Variants in ALPK2 observed in about 807,000 individuals in gnomAD.
The protein encoded by ALPK2 is alpha kinase 2, also known as alpha-protein kinase 2.
ALPK2 carries 127 observed loss-of-function variants against 163.1 expected under a neutral mutation model. The observed-to-expected ratio is 0.78, with a 90% CI of 0.67 to 0.90. The LOEUF is 0.90. ALPK2 is among the 40% of genes least tolerant of loss of function. The probability of loss-of-function intolerance (pLI) is 0.00; values close to 1 mark genes in which losing one functional copy is unlikely to be tolerated. For missense variants in ALPK2, 2,360 were observed against 2,589.6 expected (o/e 0.91, Z 1.92); for synonymous variants, 953 against 959.1 (o/e 0.99, Z 0.12).
chr18:58,508,574 C>T (rs1269089534), intron 10 of ALPK2, among the ~76,000 whole-genome samples: 1 of 152,216 alleles, frequency 6.6e-6, no homozygotes, highest in Non-Finnish European at 1.5e-5. Context: ...TGGCCTTCCT[C>T]ACTGTTACAC....
At chr18:58,610,771 C>T (rs1014185945) in intron 2 of ALPK2, among the ~76,000 whole-genome samples, 1 of 151,700 alleles carries the variant, frequency 6.6e-6, no homozygotes, top group Non-Finnish European at 1.5e-5. Context: ...GAACCACCCC[C>T]CTCCCCCCGT....
chr18:58,544,340 T>G (rs2051706600), intron 4 of ALPK2: 1 of 152,226 alleles, frequency 6.6e-6, no homozygotes, highest in Non-Finnish European at 1.5e-5. Flanking sequence ...TGCCATGGAT[T>G]TAATGGAAAG....
In ALPK2 at chr18:58,481,851, G is replaced by C. The variant is rs1336056355; in HGVS notation, c.6485C>G (p.Pro2162Arg). The change falls in exon 13 of 13, where the codon CCT (proline) becomes CGT (arginine). Residue 2162 changes from proline (P) to arginine (R), a missense_variant. Pro to Arg is a moderately radical substitution (Grantham distance 103, BLOSUM62 -2). Coordinates refer to ENST00000361673, the MANE Select transcript of ALPK2 (RefSeq NM_052947.4). The stretch of plus-strand genomic sequence containing the variant: ...GGTTTTCTTTTCGCCTGGGGTCTCA[G>C]GCCCTGCCTTCTTTATTGTCATAGA... Reference protein sequence around the residue: ...TNSMTIKKAGPETPGEKKT With the variant: ...TNSMTIKKAGRETPGEKKT The C allele has an allele frequency of 6.2e-7, 1 of 1,614,182 alleles. No homozygotes were observed. The highest frequency in any genetic ancestry group is 1.1e-5 in the South Asian group (1 of 91,078).
At chr18:58,510,538 G>T (rs1269184080) in intron 10 of ALPK2, among the ~76,000 whole-genome samples, 1 of 152,118 alleles carries the variant, frequency 6.6e-6, no homozygotes, top group Non-Finnish European at 1.5e-5. Flanking sequence ...TCTTCCATTT[G>T]TTTGTATCCT....
chr18:58,554,562 C>T (rs2144168642), intron 4 of ALPK2, among the ~76,000 whole-genome samples: 1 of 152,310 alleles, frequency 6.6e-6, no homozygotes, highest in South Asian at 2.1e-4. Flanking sequence ...TGGCAGCCTG[C>T]CAAGGGTCCC....
intron 12 of ALPK2, among the ~76,000 whole-genome samples, chr18:58,485,293 G>T (rs947157514): frequency 6.6e-6 from 1 of 152,214 alleles, no homozygotes; most frequent in Admixed American, 6.5e-5. Context: ...TCCTTCATTG[G>T]CTGGTAGAAA....
At chr18:58,599,265 T>A (rs2052056766) in intron 3 of ALPK2, among the ~76,000 whole-genome samples, 1 of 151,710 alleles carries the variant, frequency 6.6e-6, no homozygotes. Flanking sequence ...TAACCGGGAG[T>A]TCCTTGTCAG....
At chr18:58,564,349 C>T (rs2051840388) in intron 4 of ALPK2, among the ~76,000 whole-genome samples, 1 of 151,532 alleles carries the variant, frequency 6.6e-6, no homozygotes, top group Non-Finnish European at 1.5e-5. Flanking sequence ...CTCCAACTCC[C>T]GACCTCAGGT....
chr18:58,601,631 A>G (rs2052070280), intron 3 of ALPK2, among the ~76,000 whole-genome samples: 1 of 152,100 alleles, frequency 6.6e-6, no homozygotes, highest in African/African-American at 2.4e-5. Context: ...GGGGGATGAG[A>G]GCCCATGTGG....
At chr18:58,582,794 G>C (rs1026510725) in intron 3 of ALPK2, among the ~76,000 whole-genome samples, 4 of 151,824 alleles carry the variant, frequency 2.6e-5, no homozygotes, top group African/African-American at 9.7e-5. Flanking sequence ...ATTTTGAAGT[G>C]GGGGGTGGGG....
At chr18:58,487,888 T>C (rs9967112) in intron 12 of ALPK2, among the ~76,000 whole-genome samples, 26,113 of 152,064 alleles carry the variant, frequency 0.17, 2,868 homozygotes, top group African/African-American at 0.31. Context: ...AAAATATGAA[T>C]AGCATTCAAT....
intron 3 of ALPK2, among the ~76,000 whole-genome samples, chr18:58,591,785 G>C (rs777445169): frequency 6.6e-6 from 1 of 152,186 alleles, no homozygotes; most frequent in African/African-American, 2.4e-5. Context: ...GAGTAACTGC[G>C]TTGTTCACTG....
chr18:58,614,960 G>A (rs2052157571), intron 1 of ALPK2, among the ~76,000 whole-genome samples: 1 of 150,042 alleles, frequency 6.7e-6, no homozygotes, highest in South Asian at 2.1e-4. Flanking sequence ...CTTTCTGTCT[G>A]TATGTATTTG....
chr18:58,537,029 G>A lies in ALPK2; in HGVS notation c.3158C>T (p.Ser1053Phe), dbSNP rs2051653694. Residue 1053 changes from serine to phenylalanine, a missense_variant, in exon 5 of 13, where the codon TCC becomes TTC. Physicochemically the swap from Ser to Phe is radical, Grantham distance 155. Coordinates refer to ENST00000361673, the MANE Select transcript of ALPK2 (RefSeq NM_052947.4). Reference sequence around the variant, plus strand: ...TAAAATATGATCCAACTGCACTTGGGAAGGAAATTGGGAAACCTTTTCATG... The same window carrying A: ...TAAAATATGATCCAACTGCACTTGGAAAGGAAATTGGGAAACCTTTTCATG... ...ASHEKVSQFP[S>F]QVQLDHILSG... is the part of the protein sequence containing the mutation. 1 of 1,613,920 alleles carries A rather than the reference G, an allele frequency of 6.2e-7. No homozygotes were observed. The highest frequency in any genetic ancestry group is 8.5e-7 in the Non-Finnish European group (1 of 1,179,798).
At chr18:58,621,026 G>A (rs1039372267) in intron 1 of ALPK2, among the ~76,000 whole-genome samples, 2 of 151,880 alleles carry the variant, frequency 1.3e-5, no homozygotes, top group African/African-American at 4.8e-5. Context: ...TGTGTCGCAT[G>A]CCTGTAGTCC....
At chr18:58,507,355 G>A (rs1046220807) in intron 10 of ALPK2, among the ~76,000 whole-genome samples, 4 of 152,280 alleles carry the variant, frequency 2.6e-5, no homozygotes, top group Admixed American at 2.6e-4. Flanking sequence ...AAATGAAAAT[G>A]CCTCAAAAAT....
intron 3 of ALPK2, chr18:58,600,736 T>A (rs1166479681): frequency 2.6e-5 from 4 of 152,240 alleles, no homozygotes; most frequent in African/African-American, 9.6e-5. Flanking sequence ...GTTGCAAGCA[T>A]GAAACGTGTA....
chr18:58,530,737 C>G (rs945878688), intron 5 of ALPK2, among the ~76,000 whole-genome samples: 2 of 152,154 alleles, frequency 1.3e-5, no homozygotes, highest in African/African-American at 4.8e-5. Context: ...GGATAGGACC[C>G]CTGACTATGT....
intron 12 of ALPK2, among the ~76,000 whole-genome samples, chr18:58,490,639 AAG>A (rs1017909353): frequency 3.3e-5 from 5 of 152,242 alleles, no homozygotes; most frequent in East Asian, 1.9e-4. Context: ...AAAAAAAAAA[AAG>A]AATACAAAAA....
Sources: allele counts gnomAD v4.1 joint callset (sites outside exome capture counted in the v4.1 genomes callset), GRCh38; gene constraint gnomAD v4.1.1; transcripts MANE v1.5; gene names NCBI Gene and HGNC (gene_info 2026-07-23, HGNC 2026-07-21).